IGF2R: variants seen among roughly 807,000 people sequenced by gnomAD.
The protein encoded by IGF2R is insulin like growth factor 2 receptor, also known as cation-independent mannose-6-phosphate receptor.
IGF2R carries 91 observed loss-of-function variants against 270.6 expected under a neutral mutation model. That is an observed-to-expected ratio of 0.34 (90% CI 0.28 to 0.40). The LOEUF is 0.40. Ranked by LOEUF, IGF2R falls within the 10% of genes least tolerant of loss-of-function variation. The probability of loss-of-function intolerance (pLI) is 1.00; values close to 1 mark genes in which losing one functional copy is unlikely to be tolerated. For missense variants in IGF2R, 2,805 were observed against 3,188.3 expected (o/e 0.88, Z 2.90); for synonymous variants, 1,316 against 1,258.9 (o/e 1.05, Z -0.96).
chr6:160,093,767 C>T, intron 44 of IGF2R: 3 of 749,980 alleles, frequency 4.0e-6, no homozygotes, highest in Non-Finnish European at 5.0e-6. Flanking sequence ...TGCTTTTCGA[C>T]TATATGATTT....
At chr6:159,992,315 C>T (rs1783990921) in intron 2 of IGF2R, among the ~76,000 whole-genome samples, 1 of 152,018 alleles carries the variant, frequency 6.6e-6, no homozygotes, top group Non-Finnish European at 1.5e-5. Context: ...GTTTTTAATA[C>T]CCGTCACCCG....
At chr6:160,096,367 G>A (rs1245876170) in intron 44 of IGF2R, 72 bp from the exon 45 acceptor site, 25 of 1,394,160 alleles carry the variant, frequency 1.8e-5, no homozygotes, top group African/African-American at 2.9e-5. Flanking sequence ...TTTTTAGACC[G>A]TAAGGAGCTA....
chr6:159,984,771 C>T (rs992799062), intron 1 of IGF2R, among the ~76,000 whole-genome samples: 1 of 152,154 alleles, frequency 6.6e-6, no homozygotes, highest in Non-Finnish European at 1.5e-5. Flanking sequence ...ATAAACCAGT[C>T]CCCCCATCAG....
intron 36 of IGF2R, among the ~76,000 whole-genome samples, chr6:160,077,943 A>G (rs1778889759): frequency 6.6e-6 from 1 of 152,196 alleles, no homozygotes; most frequent in Admixed American, 6.5e-5. Context: ...CGTAGCACAG[A>G]ACATTGAGGC....
rs770300617 is a variant in IGF2R at position 160,075,966 on chromosome 6, C to T, written c.5286C>T (p.Ile1762=). ...AGCATTTCAACTACACCTCGCTCAT[C>T]GCGTTTCACTGTAAGAGAGGTGTGA... ...ADKHFNYTSL[I]AFHCKRGVSM... The change falls in exon 36 of 48, where the codon ATC becomes ATT. Residue 1762 remains isoleucine (I), a synonymous_variant. Coordinates refer to ENST00000356956, the MANE Select transcript of IGF2R (RefSeq NM_000876.4). 23 of 1,614,092 alleles carry T rather than the reference C, an allele frequency of 1.4e-5. No individual in the cohort carries two copies. The highest frequency in any genetic ancestry group is 9.3e-5 in the African/African-American group (7 of 74,926).
At chr6:160,099,655 C>T (rs1052580444) in intron 45 of IGF2R, among the ~76,000 whole-genome samples, 5 of 152,200 alleles carry the variant, frequency 3.3e-5, no homozygotes, top group Non-Finnish European at 7.3e-5. Context: ...GCGTGAGCCA[C>T]CGTGCCCGGC....
At chr6:160,034,605 G>T in intron 10 of IGF2R, 83 bp downstream of exon 10, 1 of 894,578 alleles carries the variant, frequency 1.1e-6, no homozygotes, top group Non-Finnish European at 1.9e-6. Flanking sequence ...GTTCTTGGAA[G>T]TGAACACTGA....
chr6:160,055,455 C>T (rs1341954382), intron 19 of IGF2R, among the ~76,000 whole-genome samples: 1 of 152,148 alleles, frequency 6.6e-6, no homozygotes, highest in East Asian at 1.9e-4. Flanking sequence ...AAGAAAGGGC[C>T]GCTCTCCCAG....
chr6:159,993,233 G>GT (rs1432651137), intron 2 of IGF2R, among the ~76,000 whole-genome samples: 1 of 152,136 alleles, frequency 6.6e-6, no homozygotes, highest in African/African-American at 2.4e-5. Context: ...AAGCTTTTTA[G>GT]TTTAATTAAA....
chr6:160,020,210 TA>T (rs796479684), intron 4 of IGF2R, among the ~76,000 whole-genome samples: 175 of 135,448 alleles, frequency 1.3e-3, no homozygotes, highest in South Asian at 0.012. Flanking sequence ...TTATAATCAC[TA>T]AAAAAAAAAA....
rs904344163 is a variant in IGF2R at position 160,079,933 on chromosome 6, C to T, written c.5686+146C>T. The T allele has an allele frequency of 6.1e-6, 6 of 980,852 alleles. No homozygotes were observed. In the African/African-American group the frequency reaches 8.1e-5, roughly 13 times the overall value. The allele number at this position is 980,852 out of a possible 1,614,324, so 60.8% of individuals were successfully genotyped here. A position where few individuals can be genotyped will look rare whatever the true frequency, so the allele number is the denominator to read the frequency against. On this transcript the variant is annotated intron_variant, in intron 38 of 47. Transcript: ENST00000356956. ...CGTGAATGTGAGCTGTTCCTCTGTA[C>T]ACCCCCGGTGTGAATGCTGGTGTGT...
At chr6:160,047,010 G>A in intron 15 of IGF2R, 149 bp from the exon 16 acceptor site, 1 of 697,988 alleles carries the variant, frequency 1.4e-6, no homozygotes, top group Non-Finnish European at 2.5e-6. Context: ...TGCTGCCGTT[G>A]GAGACCTTGT....
intron 1 of IGF2R, among the ~76,000 whole-genome samples, chr6:159,981,264 C>T (rs1428547546): frequency 1.3e-5 from 2 of 151,930 alleles, no homozygotes; most frequent in South Asian, 2.1e-4. Flanking sequence ...TGCGTGAGTG[C>T]GTGTGTGAGT....
At chr6:160,069,149 G>T (rs1778658735) in intron 30 of IGF2R, among the ~76,000 whole-genome samples, 1 of 152,060 alleles carries the variant, frequency 6.6e-6, no homozygotes, top group Non-Finnish European at 1.5e-5. Context: ...TGCGGTGGTT[G>T]GCTGAGACTG....
rs151338434 is a variant in IGF2R, at chr6:159,987,296, C to T, written c.150-3888C>T. Among the ~76,000 whole-genome samples the T allele has an allele frequency of 4.2e-3, 646 of 152,230 alleles. 2 individuals carry two copies. Among genetic ancestry groups the T allele is most frequent in the Non-Finnish European group, 7.0e-3 (475 of 68,026 alleles). ...TTTAACCAGGGTGCATACCAGAGTACATAATAGTTTTTGGAATATTCTTCA... is the reference window on the plus strand; with the variant it reads ...TTTAACCAGGGTGCATACCAGAGTATATAATAGTTTTTGGAATATTCTTCA... On this transcript the variant is annotated intron_variant, in intron 1 of 47. Transcript: ENST00000356956.
intron 45 of IGF2R, among the ~76,000 whole-genome samples, chr6:160,101,854 C>T (rs1343853974): frequency 6.6e-6 from 1 of 152,206 alleles, no homozygotes; most frequent in African/African-American, 2.4e-5. Flanking sequence ...TGCTTTTTCC[C>T]ACAAGTGTGC....
At chr6:160,064,276 GTGC>G in intron 27 of IGF2R, 122 bp from the exon 28 acceptor site, 1 of 1,084,432 alleles carries the variant, frequency 9.2e-7, no homozygotes, top group Non-Finnish European at 1.4e-6. Context: ...GCATGGTATG[GTGC>G]TGGGAGGCCA....
At chr6:160,032,783 A>G (rs1777727262) in intron 8 of IGF2R, 70 bp downstream of exon 8, 1 of 1,536,458 alleles carries the variant, frequency 6.5e-7, no homozygotes, top group Non-Finnish European at 8.9e-7. Context: ...ACGGGACAGT[A>G]GGGGCCAAGT....
chr6:160,105,307 CG>C lies in IGF2R; in HGVS notation c.*225del. 5.9e-6 allele frequency: 3 copies of C among 505,768 alleles called. No individual in the cohort carries two copies. The highest frequency in any genetic ancestry group is 1.0e-5 in the Non-Finnish European group (3 of 287,550). 31.3% of individuals were successfully genotyped at this position (505,768 alleles called of 1,614,324 possible). On this transcript the variant is annotated 3_prime_UTR_variant, in exon 48 of 48. Transcript: ENST00000356956. Reference sequence around the variant, plus strand: ...GGCATGGCTCAGATCGGCCACAGGGCGGTACCTTGTGCCCAGGGTTTTGCCC... The same window carrying C: ...GGCATGGCTCAGATCGGCCACAGGGCGTACCTTGTGCCCAGGGTTTTGCCC...
Sources: allele counts gnomAD v4.1 joint callset (sites outside exome capture counted in the v4.1 genomes callset), GRCh38; gene constraint gnomAD v4.1.1; transcripts MANE v1.5; gene names NCBI Gene and HGNC (gene_info 2026-07-23, HGNC 2026-07-21).